ACSBG2: variants seen among roughly 807,000 people sequenced by gnomAD.
ACSBG2 encodes the protein long-chain-fatty-acid--CoA ligase ACSBG2.
In ACSBG2, 62 loss-of-function variants were observed where a neutral mutation model predicts 74.7. The observed-to-expected ratio is 0.83, with a 90% CI of 0.68 to 1.03. The LOEUF is 1.03. ACSBG2 is among the 50% of genes least tolerant of loss of function. The pLI is 0.00. For missense variants in ACSBG2, 730 were observed against 817.6 expected (o/e 0.89, Z 1.31); for synonymous variants, 309 against 294.1 (o/e 1.05, Z -0.52).
At chr19:6,162,701 C>T (rs984867719) in intron 6 of ACSBG2, among the ~76,000 whole-genome samples, 1 of 152,056 alleles carries the variant, frequency 6.6e-6, no homozygotes, top group African/African-American at 2.4e-5. Flanking sequence ...TTCTCAACCT[C>T]CTTGCTGTTG....
chr19:6,158,530 T>A (rs7255678), intron 5 of ACSBG2, among the ~76,000 whole-genome samples: 107,902 of 151,226 alleles, frequency 0.71, 38,740 homozygotes, highest in Admixed American at 0.74. Flanking sequence ...CAGTTTGCTG[T>A]ATCAGCTTTT....
At chr19:6,172,253 C>T (rs1423658621) in intron 7 of ACSBG2, among the ~76,000 whole-genome samples, 3 of 152,194 alleles carry the variant, frequency 2.0e-5, no homozygotes, top group African/African-American at 7.2e-5. Flanking sequence ...GGTGTTGAAA[C>T]ACTCTGGCTT....
intron 8 of ACSBG2, among the ~76,000 whole-genome samples, chr19:6,181,260 G>A (rs1321067612): frequency 7.2e-6 from 1 of 138,920 alleles, no homozygotes; most frequent in Non-Finnish European, 1.5e-5. Context: ...AGGAAGGCAA[G>A]GGAAGAGAAG....
chr19:6,146,046 C>T (rs917644166), intron 2 of ACSBG2, among the ~76,000 whole-genome samples: 1 of 152,154 alleles, frequency 6.6e-6, no homozygotes, highest in African/African-American at 2.4e-5. Flanking sequence ...TAGTCCACTG[C>T]ATGTACATTT....
At chr19:6,159,638 C>T (rs1385061367) in intron 5 of ACSBG2, among the ~76,000 whole-genome samples, 21 of 152,228 alleles carry the variant, frequency 1.4e-4, no homozygotes, top group Admixed American at 1.4e-3. Context: ...ATTGGATGCC[C>T]AGCTCCACTT....
rs1161750497 is a variant in ACSBG2 at position 6,174,078 on chromosome 19, A to C, written c.739-3151A>C. On this transcript the variant is annotated intron_variant, in intron 7 of 14. Transcript: ENST00000588485. This position sits in a 1 kb window ranked among gnomAD's most constrained non-coding sequence, Gnocchi z 4.2. Reference sequence around the variant, plus strand: ...CAGCCTCCTGAGTAGCAGGGATTACAGACGTGTGCCAACACACCCATCTAA... The same window carrying C: ...CAGCCTCCTGAGTAGCAGGGATTACCGACGTGTGCCAACACACCCATCTAA... 5.3e-5 allele frequency among the ~76,000 whole-genome samples: 8 copies of C among 152,120 alleles called. No homozygotes were observed. The highest frequency in any genetic ancestry group is 4.4e-5 in the Non-Finnish European group (3 of 68,030).
intron 1 of ACSBG2, 142 bp from the exon 2 acceptor site, chr19:6,141,371 T>G (rs772477498): frequency 1.6e-5 from 9 of 575,754 alleles, no homozygotes; most frequent in Non-Finnish European, 2.2e-5. Context: ...CCGGCCACTC[T>G]CCTCTCCTCC....
chr19:6,165,841 C>T, intron 6 of ACSBG2, 25 bp from the exon 7 acceptor site: 4 of 1,613,042 alleles, frequency 2.5e-6, no homozygotes, highest in East Asian at 2.2e-5. Context: ...CCTTCTCATC[C>T]TCCGCTTGTC....
chr19:6,171,208 T>G (rs117561889), intron 7 of ACSBG2, among the ~76,000 whole-genome samples: 1,943 of 152,246 alleles, frequency 0.013, 15 homozygotes, highest in South Asian at 0.041. Flanking sequence ...TTAAGTGCTG[T>G]ATTTAGGATG....
chr19:6,148,013 G>C (rs2089106532), intron 3 of ACSBG2, among the ~76,000 whole-genome samples: 2 of 152,090 alleles, frequency 1.3e-5, no homozygotes. Context: ...GTTTTTGTTA[G>C]TTGCTGCTGC....
At chr19:6,154,432 GA>G (rs142309155) in intron 4 of ACSBG2, among the ~76,000 whole-genome samples, 75,772 of 138,644 alleles carry the variant, frequency 0.55, 21,805 homozygotes, top group Admixed American at 0.66. Context: ...GAGAGAGAGA[GA>G]AAATTATTAT....
At chr19:6,184,034 C>T (rs1042863750) in intron 10 of ACSBG2, among the ~76,000 whole-genome samples, 1 of 152,090 alleles carries the variant, frequency 6.6e-6, no homozygotes, top group South Asian at 2.1e-4. Flanking sequence ...AATTCCTGGA[C>T]TCAAGCAATC....
At chr19:6,173,914 C>A (rs2090028378) in intron 7 of ACSBG2, among the ~76,000 whole-genome samples, 1 of 151,078 alleles carries the variant, frequency 6.6e-6, no homozygotes, top group South Asian at 2.1e-4. Context: ...ACAGGACCAA[C>A]ATGAGGACAT....
chr19:6,151,386 C>T (rs1422837754), intron 3 of ACSBG2, among the ~76,000 whole-genome samples: 2 of 152,128 alleles, frequency 1.3e-5, no homozygotes, highest in African/African-American at 4.8e-5. Flanking sequence ...TAGCTCACTG[C>T]AGCCTCGAAC....
chr19:6,161,643 A>C lies in ACSBG2; in HGVS notation c.588+348A>C, dbSNP rs140615968. 9.0e-3 allele frequency: 1,892 copies of C among 209,338 alleles called. 14 individuals are homozygous for C. Among genetic ancestry groups the C allele is most frequent in the Middle Eastern group, 0.015 (8 of 524 alleles). The allele number at this position is 209,338 out of a possible 1,614,324, so 13.0% of individuals were successfully genotyped here. ...GTGGTAGGTGGGGGTTTGCAAAGGG[A>C]TGTGGGTGGGGCTTCATAAATGTAG... On this transcript the variant is annotated intron_variant, in intron 6 of 14. Transcript: ENST00000588485.
At chr19:6,152,223 C>G (rs1488514086) in intron 4 of ACSBG2, among the ~76,000 whole-genome samples, 1 of 152,048 alleles carries the variant, frequency 6.6e-6, no homozygotes, top group African/African-American at 2.4e-5. Flanking sequence ...TGCGATCCTC[C>G]CAACTCGGCC....
chr19:6,179,360 C>T (rs1476501058), intron 8 of ACSBG2, among the ~76,000 whole-genome samples: 4 of 144,086 alleles, frequency 2.8e-5, no homozygotes, highest in African/African-American at 1.0e-4. Context: ...AATGCAGTGG[C>T]ATGATCATAG....
rs2088968630 is a variant in ACSBG2, at chr19:6,144,761, C to A, written c.68-2685C>A. On this transcript the variant is annotated intron_variant, in intron 2 of 14. Coordinates refer to ENST00000588485, the MANE Select transcript of ACSBG2 (RefSeq NM_030924.5). ...CCAGGCTGGAGTGCAGTGGCACAAT[C>A]TTGGCTCACTGCAACCTCTGCCTCC... Among the ~76,000 whole-genome samples, 2 of 151,906 alleles carry A rather than the reference C, an allele frequency of 1.3e-5. 1 individual carries two copies. Among genetic ancestry groups the A allele is most frequent in the South Asian group, 4.2e-4 (2 of 4,800 alleles).
Position 6,150,663 on chromosome 19 carries a change from AG to A in ACSBG2, c.298-1043del, listed in dbSNP as rs201888054. 2.9e-3 allele frequency among the ~76,000 whole-genome samples: 446 copies of A among 152,298 alleles called. 8 individuals are homozygous for A. The highest frequency in any genetic ancestry group is 0.026 in the Admixed American group (401 of 15,298). ...AGTCGTTAGACTCATAGAGACAGAAAGTAGAATGGGAGGTGCCAGGGGCTGG... is the reference window on the plus strand; with the variant it reads ...AGTCGTTAGACTCATAGAGACAGAAATAGAATGGGAGGTGCCAGGGGCTGG... On this transcript the variant is annotated intron_variant, in intron 3 of 14. Coordinates refer to ENST00000588485, the MANE Select transcript of ACSBG2 (RefSeq NM_030924.5).
Sources: gnomAD v4.1 joint callset for allele counts (sites outside exome capture counted in the v4.1 genomes callset) on GRCh38, gnomAD v4.1.1 for gene constraint, Gnocchi (gnomAD v3.1) non-coding constraint, MANE v1.5 for transcripts, NCBI Gene and HGNC (gene_info 2026-07-23, HGNC 2026-07-21) for gene names.